The following RPS6KC1 variants were observed in gnomAD, a reference collection of about 807,000 sequenced individuals.
RPS6KC1 encodes inactive ribosomal protein S6 kinase delta-1.
A neutral mutation model predicts 103.8 loss-of-function variants in RPS6KC1; 54 were observed. The ratio of observed to expected loss-of-function variants is 0.52; its 90% CI spans 0.42 to 0.65. The LOEUF is 0.65. RPS6KC1 is among the 30% of genes least tolerant of loss of function. RPS6KC1 has a pLI of 0.00. For missense variants in RPS6KC1, 1,151 were observed against 1,253.8 expected, an observed-to-expected ratio of 0.92 and a Z score of 1.24; for synonymous variants, 439 against 438.7, an observed-to-expected ratio of 1.00 and a Z score of -0.01.
chr1:213,806,301 C>G, the RPS6KC1 span, among the ~76,000 whole-genome samples: 2 of 152,074 alleles, frequency 1.3e-5, no homozygotes, highest in Non-Finnish European at 2.9e-5. Flanking sequence ...CACTGTACTC[C>G]AGCCTGGGTG....
chr1:213,589,392 C>T, the RPS6KC1 span, among the ~76,000 whole-genome samples: 1 of 152,122 alleles, frequency 6.6e-6, no homozygotes, highest in Non-Finnish European at 1.5e-5. Context: ...GTAATCCCAG[C>T]GCTTTGGGAG....
the RPS6KC1 span, among the ~76,000 whole-genome samples, chr1:213,418,030 C>T: frequency 6.6e-6 from 1 of 152,174 alleles, no homozygotes; most frequent in African/African-American, 2.4e-5. Flanking sequence ...CAGAGCTCCC[C>T]ATTCCCCCCA....
chr1:213,746,259 G>C, the RPS6KC1 span, among the ~76,000 whole-genome samples: 3,219 of 152,342 alleles, frequency 0.021, 122 homozygotes, highest in African/African-American at 0.073. Flanking sequence ...CAACTTGTCA[G>C]AGTGGGCTTC....
the RPS6KC1 span, chr1:213,546,385 A>G: frequency 6.6e-6 from 1 of 152,194 alleles, no homozygotes; most frequent in African/African-American, 2.4e-5. Context: ...TCACTTGGCT[A>G]GTTCCATGTG....
At chr1:213,294,405 C>T in the RPS6KC1 span, among the ~76,000 whole-genome samples, 4 of 152,200 alleles carry the variant, frequency 2.6e-5, no homozygotes, top group East Asian at 1.9e-4. Flanking sequence ...TTGGTTTGTT[C>T]GCTCCTCCAA....
chr1:213,742,335 G>T, the RPS6KC1 span, among the ~76,000 whole-genome samples: 7 of 152,220 alleles, frequency 4.6e-5, no homozygotes, highest in Non-Finnish European at 8.8e-5. Flanking sequence ...CTAATGTGGA[G>T]TGAAACTGTT....
At chr1:213,151,230 A>T (rs1190351114) in intron 6 of RPS6KC1, among the ~76,000 whole-genome samples, 1 of 104,470 alleles carries the variant, frequency 9.6e-6, no homozygotes, top group Non-Finnish European at 1.9e-5. Context: ...TGACCCCCCC[A>T]CCTCCCTCCC....
At chr1:213,462,763 T>A in the RPS6KC1 span, among the ~76,000 whole-genome samples, 1 of 152,054 alleles carries the variant, frequency 6.6e-6, no homozygotes, top group African/African-American at 2.4e-5. Flanking sequence ...GGTGGTTGAC[T>A]AGGGGAGGGT....
chr1:213,239,874 A>G (rs1332104380), intron 10 of RPS6KC1, among the ~76,000 whole-genome samples: 1 of 152,154 alleles, frequency 6.6e-6, no homozygotes, highest in East Asian at 1.9e-4. Flanking sequence ...GTTTAACGTA[A>G]AAGTTATAAT....
At chr1:213,174,958 C>A (rs1277388979) in intron 7 of RPS6KC1, among the ~76,000 whole-genome samples, 1 of 152,124 alleles carries the variant, frequency 6.6e-6, no homozygotes, top group Non-Finnish European at 1.5e-5. Context: ...CTTTCTCAAG[C>A]ATCTTTAGAA....
At chr1:213,278,040 CA>C (rs1287775570), downstream of RPS6KC1, among the ~76,000 whole-genome samples, 2 of 151,796 alleles carry the variant, frequency 1.3e-5, no homozygotes, top group Non-Finnish European at 2.9e-5. Context: ...CCTGTCTCTA[CA>C]AAAAATACAA....
intron 7 of RPS6KC1, among the ~76,000 whole-genome samples, chr1:213,173,291 G>C (rs956197723): frequency 1.3e-5 from 2 of 152,130 alleles, no homozygotes; most frequent in African/African-American, 4.8e-5. Context: ...TTTTATAGAT[G>C]GTTAAAGTAA....
the RPS6KC1 span, among the ~76,000 whole-genome samples, chr1:213,536,422 T>C: frequency 6.6e-6 from 1 of 152,172 alleles, no homozygotes; most frequent in Non-Finnish European, 1.5e-5. Flanking sequence ...AATAAGTAAA[T>C]GAGCAAAACA....
At chr1:213,705,915 C>T in the RPS6KC1 span, among the ~76,000 whole-genome samples, 1 of 152,208 alleles carries the variant, frequency 6.6e-6, no homozygotes, top group Non-Finnish European at 1.5e-5. Flanking sequence ...GGCTTCACAA[C>T]TCTTACTGTA....
At chr1:213,284,134 TAGAA>T in the RPS6KC1 span, among the ~76,000 whole-genome samples, 1 of 152,042 alleles carries the variant, frequency 6.6e-6, no homozygotes, top group Non-Finnish European at 1.5e-5. Flanking sequence ...CAAGAAAAAT[TAGAA>T]AGCTCAGAAA....
At chr1:213,338,594 T>C in the RPS6KC1 span, among the ~76,000 whole-genome samples, 3 of 152,228 alleles carry the variant, frequency 2.0e-5, no homozygotes, top group South Asian at 6.2e-4. Context: ...TCCAAAAGAA[T>C]AGATTGGAGG....
rs754206613 is a variant in RPS6KC1 at position 213,167,993 on chromosome 1, G to T, written c.951+20G>T. 2.3e-5 allele frequency: 35 copies of T among 1,522,668 alleles called. No individual in the cohort carries two copies. In the East Asian group the frequency reaches 7.5e-4, roughly 32 times the overall value. The allele number at this position is 1,522,668 out of a possible 1,614,324, so 94.3% of individuals were successfully genotyped here. ...TCTCAGGTATGTCTCATATTTTGTT[G>T]TGTGTTTTCTTCAGTGATTTTTTGC... On this transcript the variant is annotated intron_variant, in intron 7 of 14. Coordinates refer to ENST00000366960, the MANE Select transcript of RPS6KC1 (RefSeq NM_012424.6).
the RPS6KC1 span, among the ~76,000 whole-genome samples, chr1:213,529,723 C>G: frequency 2.6e-5 from 4 of 152,176 alleles, no homozygotes; most frequent in Non-Finnish European, 4.4e-5. Flanking sequence ...ATCTTGACTC[C>G]AGGGCTTACT....
At chr1:213,064,054 T>G (rs186087514) in intron 1 of RPS6KC1, among the ~76,000 whole-genome samples, 1 of 152,232 alleles carries the variant, frequency 6.6e-6, no homozygotes, top group African/African-American at 2.4e-5. Context: ...AACTTTATTT[T>G]TATTTTTATT....
Sources: allele counts gnomAD v4.1 joint callset (sites outside exome capture counted in the v4.1 genomes callset), GRCh38; gene constraint gnomAD v4.1.1; transcripts MANE v1.5; gene names NCBI Gene and HGNC (gene_info 2026-07-23, HGNC 2026-07-21).